AGBL1: variants seen among roughly 807,000 people sequenced by gnomAD.
The protein encoded by AGBL1 is AGBL carboxypeptidase 1, also known as cytosolic carboxypeptidase 4.
Under a neutral mutation model 118.9 loss-of-function variants are expected in AGBL1, and 130 were observed. That is an observed-to-expected ratio of 1.09 (90% confidence interval 0.95 to 1.26). The LOEUF (loss-of-function observed/expected upper bound fraction) is 1.26, where lower values mean the gene tolerates loss of function less well. Ranked by LOEUF, AGBL1 falls within the 50% of genes most tolerant of loss-of-function variation. The pLI is 0.00. For missense variants in AGBL1, 1,584 were observed against 1,298.1 expected (o/e 1.22, Z -3.38); for synonymous variants, 555 against 478.9 (o/e 1.16, Z -2.08).
chr15:86,261,495 A>C, intron 9 of AGBL1, among the ~76,000 whole-genome samples: 1 of 152,180 alleles, frequency 6.6e-6, no homozygotes, highest in South Asian at 2.1e-4. Context: ...GGAACATTGC[A>C]TTTTTTTGCC....
chr15:86,867,454 G>C (rs976377185), intron 22 of AGBL1, among the ~76,000 whole-genome samples: 15 of 152,290 alleles, frequency 9.8e-5, no homozygotes, highest in African/African-American at 3.6e-4. Context: ...GAGGGATTCT[G>C]TATGTGGCAG....
intron 21 of AGBL1, among the ~76,000 whole-genome samples, chr15:86,635,336 TCC>T: frequency 5.6e-5 from 5 of 88,726 alleles, no homozygotes; most frequent in African/African-American, 1.7e-4. Flanking sequence ...CTCCTCCTCC[TCC>T]TACTCCTCTT....
intron 1 of AGBL1, among the ~76,000 whole-genome samples, chr15:86,128,156 A>G (rs984628195): frequency 6.6e-6 from 1 of 152,174 alleles, no homozygotes; most frequent in Non-Finnish European, 1.5e-5. Flanking sequence ...TGGGTAATTT[A>G]TAAAGGAAAG....
At chr15:86,805,283 A>T (rs1282923680) in intron 22 of AGBL1, among the ~76,000 whole-genome samples, 1 of 151,992 alleles carries the variant, frequency 6.6e-6, no homozygotes, top group African/African-American at 2.4e-5. Flanking sequence ...TTATTAACAC[A>T]CATATAGTGA....
At chr15:86,090,736 T>C (rs905298472) in intron 1 of AGBL1, among the ~76,000 whole-genome samples, 7 of 152,300 alleles carry the variant, frequency 4.6e-5, no homozygotes, top group African/African-American at 1.7e-4. Context: ...AACTTTTCTT[T>C]AATGGATTAT....
At chr15:86,229,560 A>G (rs1007228182) in intron 6 of AGBL1, among the ~76,000 whole-genome samples, 2 of 151,432 alleles carry the variant, frequency 1.3e-5, no homozygotes, top group African/African-American at 2.4e-5. Flanking sequence ...ATCTGCCTTC[A>G]CTCTGCCTTT....
chr15:86,952,238 A>G (rs1455248636), intron 23 of AGBL1, among the ~76,000 whole-genome samples: 4 of 152,158 alleles, frequency 2.6e-5, no homozygotes, highest in Non-Finnish European at 5.9e-5. Context: ...CAAAAAAAAA[A>G]AAAAATTTTT....
intron 18 of AGBL1, among the ~76,000 whole-genome samples, chr15:86,450,218 A>G (rs2142068167): frequency 6.6e-6 from 1 of 152,314 alleles, no homozygotes; most frequent in African/African-American, 2.4e-5. Flanking sequence ...ACTGTTAGCT[A>G]TCTAAGGCAG....
intron 18 of AGBL1, among the ~76,000 whole-genome samples, chr15:86,409,529 T>C (rs1460427969): frequency 6.6e-6 from 1 of 152,108 alleles, no homozygotes; most frequent in African/African-American, 2.4e-5. Context: ...TCCTCAGACA[T>C]TGCCATTTTG....
chr15:86,507,011 A>T (rs2082985593), intron 18 of AGBL1, among the ~76,000 whole-genome samples: 2 of 152,160 alleles, frequency 1.3e-5, no homozygotes, highest in South Asian at 4.1e-4. Context: ...ATACCCAGTG[A>T]ACTGAAGATG....
chr15:86,821,289 C>T (rs1305948565), intron 22 of AGBL1, among the ~76,000 whole-genome samples: 3 of 152,046 alleles, frequency 2.0e-5, no homozygotes, highest in Non-Finnish European at 4.4e-5. Context: ...AACAAACATG[C>T]ATGTTCTGCA....
intron 18 of AGBL1, among the ~76,000 whole-genome samples, chr15:86,441,081 T>G (rs4887232): frequency 0.68 from 102,640 of 152,036 alleles, 36,923 homozygotes; most frequent in African/African-American, 0.92. Flanking sequence ...TCTACTATAA[T>G]CTCTCAAGAA....
intron 22 of AGBL1, among the ~76,000 whole-genome samples, chr15:86,816,163 A>G (rs2078855118): frequency 6.6e-6 from 1 of 152,232 alleles, no homozygotes; most frequent in African/African-American, 2.4e-5. Flanking sequence ...AAAGCCTGAG[A>G]ACTTGGGAAC....
intron 23 of AGBL1, among the ~76,000 whole-genome samples, chr15:86,967,378 G>A: frequency 6.6e-6 from 1 of 152,046 alleles, no homozygotes; most frequent in Non-Finnish European, 1.5e-5. Flanking sequence ...TGCTTTTGGT[G>A]TTTTAGACAT....
intron 22 of AGBL1, among the ~76,000 whole-genome samples, chr15:86,709,740 C>T (rs1377939159): frequency 6.6e-6 from 1 of 152,118 alleles, no homozygotes; most frequent in Non-Finnish European, 1.5e-5. Context: ...GATGTTAGAA[C>T]AATTTAAATC....
chr15:86,097,256 G>A (rs1896436951), intron 1 of AGBL1, among the ~76,000 whole-genome samples: 2 of 152,118 alleles, frequency 1.3e-5, no homozygotes, highest in African/African-American at 2.4e-5. Flanking sequence ...AATGTGGAAC[G>A]AGCAAGTCAG....
At chr15:86,661,409 A>G (rs942722966) in intron 21 of AGBL1, among the ~76,000 whole-genome samples, 5 of 152,062 alleles carry the variant, frequency 3.3e-5, no homozygotes, top group African/African-American at 9.7e-5. Flanking sequence ...AGTCATGTAC[A>G]TAGTAAAAGC....
chr15:86,982,689 A>T (rs542386077), intron 23 of AGBL1, among the ~76,000 whole-genome samples: 1 of 152,202 alleles, frequency 6.6e-6, no homozygotes, highest in Admixed American at 6.5e-5. Flanking sequence ...AACAGTAAAC[A>T]TATTTTCTCT....
chr15:86,689,878 T>G (rs966732862), intron 22 of AGBL1, among the ~76,000 whole-genome samples: 2 of 152,168 alleles, frequency 1.3e-5, no homozygotes, highest in Non-Finnish European at 2.9e-5. Flanking sequence ...GCCAAGAGCA[T>G]GCCACCTTGG....
Sources: allele counts gnomAD v4.1 joint callset (sites outside exome capture counted in the v4.1 genomes callset), GRCh38; gene constraint gnomAD v4.1.1; transcripts MANE v1.5; gene names NCBI Gene and HGNC (gene_info 2026-07-23, HGNC 2026-07-21).